Variants in CRADD observed in about 807,000 individuals in gnomAD.
CRADD encodes the protein death domain-containing protein CRADD.
A neutral mutation model predicts 15.5 loss-of-function variants in CRADD; 9 were observed. The ratio of observed to expected loss-of-function variants is 0.58; its 90% CI spans 0.35 to 1.01. The LOEUF is 1.01. CRADD is among the 50% of genes least tolerant of loss of function. The pLI is 0.02. For synonymous variants in CRADD, 118 were observed against 107.6 expected (o/e 1.10, Z -0.60); for missense variants, 227 against 250.3 (o/e 0.91, Z 0.63).
chr12:93,866,920 T>C (rs989602299), intron 2 of CRADD, among the ~76,000 whole-genome samples: 1 of 152,200 alleles, frequency 6.6e-6, no homozygotes, highest in Non-Finnish European at 1.5e-5. Context: ...AACTGTGCCA[T>C]GTATCCCACA....
chr12:93,750,783 T>C (rs983276949), intron 2 of CRADD, among the ~76,000 whole-genome samples: 2 of 152,258 alleles, frequency 1.3e-5, no homozygotes, highest in African/African-American at 4.8e-5. Flanking sequence ...TGAATGTACA[T>C]GTCATTATCC....
intron 2 of CRADD, chr12:93,836,297 G>A (rs1957972417): frequency 6.6e-6 from 1 of 152,192 alleles, no homozygotes; most frequent in African/African-American, 2.4e-5. Context: ...GCTTCAGGAA[G>A]GTAGGAATTG....
intron 2 of CRADD, among the ~76,000 whole-genome samples, chr12:93,806,226 G>T (rs1957535950): frequency 6.6e-6 from 1 of 151,832 alleles, no homozygotes; most frequent in South Asian, 2.1e-4. Context: ...GGCCGAGGTG[G>T]GCGGATCAAA....
intron 2 of CRADD, among the ~76,000 whole-genome samples, chr12:93,700,720 G>A (rs1005399542): frequency 2.0e-5 from 3 of 152,104 alleles, no homozygotes; most frequent in African/African-American, 4.8e-5. Flanking sequence ...GTGAGCCACC[G>A]CATCCGGTCC....
downstream of CRADD, among the ~76,000 whole-genome samples, chr12:93,852,015 T>C (rs191264397): frequency 8.7e-4 from 132 of 152,368 alleles, no homozygotes; most frequent in African/African-American, 3.1e-3. Flanking sequence ...GATAGTCTAC[T>C]GGCCTTATCA....
chr12:93,797,133 A>C (rs1447766040), intron 2 of CRADD, among the ~76,000 whole-genome samples: 1 of 152,204 alleles, frequency 6.6e-6, no homozygotes, highest in Non-Finnish European at 1.5e-5. Context: ...TTGCGGAAGA[A>C]AAGGAAACCC....
chr12:93,686,206 CAGG>C (rs1233299073), intron 2 of CRADD, among the ~76,000 whole-genome samples: 1 of 143,928 alleles, frequency 6.9e-6, no homozygotes, highest in East Asian at 2.1e-4. Flanking sequence ...GAGGCTGAGG[CAGG>C]AGAATTGCTT....
At position 93,694,191 on chromosome 12, in the gene CRADD, C is replaced by T. The variant is rs146322923; in HGVS notation, c.298+15119C>T. The stretch of plus-strand genomic sequence containing the variant: ...TACACAAATCAATAAATATGACATA[C>T]CACATTAACAGAATGAAGGACAAAA... On this transcript the variant is annotated intron_variant, in intron 2 of 2. Coordinates refer to ENST00000332896, the MANE Select transcript of CRADD (RefSeq NM_003805.5). Among the ~76,000 whole-genome samples, 160 of 152,138 alleles carry T rather than the reference C, an allele frequency of 1.1e-3. 1 individual carries two copies. The Middle Eastern group carries it at 0.014, about 13-fold the overall frequency.
Position 93,881,832 on chromosome 12 carries a change from T to G in CRADD, c.299-12218T>G, listed in dbSNP as rs116764992. Among the ~76,000 whole-genome samples the G allele has an allele frequency of 5.0e-3, 754 of 152,196 alleles. 4 individuals are homozygous for G. The highest frequency in any genetic ancestry group is 0.016 in the African/African-American group (663 of 41,516). ...TACCCTACACCAAAGATGTGAGTGA[T>G]TGAAATATATAGGCTGGGCGGGGTG... is the stretch of plus-strand genomic sequence containing the variant. On this transcript the variant is annotated intron_variant, in intron 2 of 2. Coordinates refer to the CRADD transcript ENST00000548483.
Position 93,850,126 on chromosome 12 carries a change from AC to A in CRADD, c.460del (p.His154ThrfsTer59). Reference sequence around the variant, plus strand: ...GATATCTACCGCTGTAAGGCCAACCACCCCCACAACGTGCAGTCGCAGGTGG... The same window carrying A: ...GATATCTACCGCTGTAAGGCCAACCACCCCACAACGTGCAGTCGCAGGTGG... ...QTDIYRCKANHPHNVQSQVVE... is the reference protein window; with the variant it reads ...QTDIYRCKANXPHNVQSQVVE... On this transcript the variant is annotated frameshift_variant, in exon 3 of 3. Coordinates refer to ENST00000332896, the MANE Select transcript of CRADD (RefSeq NM_003805.5). LOFTEE classifies it high-confidence loss of function. The surrounding 1 kb of genome is among the most constrained non-coding windows in gnomAD (Gnocchi z 4.0). The A allele has an allele frequency of 6.2e-7, 1 of 1,613,680 alleles. No homozygotes were observed. The highest frequency in any genetic ancestry group is 1.1e-5 in the South Asian group (1 of 91,048).
chr12:93,893,263 G>T (rs887053395), intron 2 of CRADD, among the ~76,000 whole-genome samples: 1 of 152,278 alleles, frequency 6.6e-6, no homozygotes, highest in Admixed American at 6.5e-5. Context: ...TAGGGCTGTG[G>T]TGGTTCCTTA....
At chr12:93,791,411 A>G (rs1957348084) in intron 2 of CRADD, among the ~76,000 whole-genome samples, 1 of 152,194 alleles carries the variant, frequency 6.6e-6, no homozygotes, top group Non-Finnish European at 1.5e-5. Flanking sequence ...CGTTAAGTTA[A>G]ATAAGCCAAT....
At chr12:93,802,910 G>A (rs887916986) in intron 2 of CRADD, among the ~76,000 whole-genome samples, 1 of 152,192 alleles carries the variant, frequency 6.6e-6, no homozygotes, top group African/African-American at 2.4e-5. Flanking sequence ...GCTCCCCTTA[G>A]TGTCAGCTTG....
intron 2 of CRADD, among the ~76,000 whole-genome samples, chr12:93,864,247 T>C (rs933928003): frequency 2.0e-5 from 3 of 152,158 alleles, no homozygotes; most frequent in African/African-American, 4.8e-5. Flanking sequence ...AGAGATGAGA[T>C]TTCACTATAC....
chr12:93,706,740 G>A (rs60885265), intron 2 of CRADD, among the ~76,000 whole-genome samples: 2,940 of 152,274 alleles, frequency 0.019, 74 homozygotes, highest in African/African-American at 0.066. Flanking sequence ...TTGCAATTGA[G>A]TGTTTTCTAT....
At chr12:93,756,981 T>C (rs1956897881) in intron 2 of CRADD, among the ~76,000 whole-genome samples, 2 of 152,212 alleles carry the variant, frequency 1.3e-5, no homozygotes, top group African/African-American at 4.8e-5. Flanking sequence ...TATTTGCCAG[T>C]CTATTTGTTC....
In CRADD at chr12:93,678,990, C is replaced by T; in HGVS notation, c.216C>T (p.Phe72=). The T allele has an allele frequency of 6.2e-7, 1 of 1,614,024 alleles. No individual in the cohort carries two copies. Among genetic ancestry groups the T allele is most frequent in the Non-Finnish European group, 8.5e-7 (1 of 1,179,880 alleles). ...GGGGCCCTAAAGCATTTGATACATT[C>T]CTAGATTCCCTACAGGAGTTTCCCT... ...PSRGPKAFDT[F]LDSLQEFPWV... is the part of the protein sequence containing the mutation. The change falls in exon 2 of 3, where the codon TTC becomes TTT. Residue 72 remains phenylalanine (F), a synonymous_variant. Transcript: ENST00000332896.
intron 2 of CRADD, among the ~76,000 whole-genome samples, chr12:93,793,712 G>A (rs568893250): frequency 1.6e-4 from 24 of 152,300 alleles, no homozygotes; most frequent in African/African-American, 5.1e-4. Flanking sequence ...GGGAATAGGT[G>A]GAAGAAGTGG....
intron 2 of CRADD, among the ~76,000 whole-genome samples, chr12:93,752,208 C>T (rs752889901): frequency 2.6e-5 from 4 of 152,158 alleles, no homozygotes; most frequent in Non-Finnish European, 5.9e-5. Context: ...TGACGGTTTC[C>T]AGGTAGCCTT....
Sources: gnomAD v4.1 joint callset for allele counts (sites outside exome capture counted in the v4.1 genomes callset) on GRCh38, gnomAD v4.1.1 for gene constraint, Gnocchi (gnomAD v3.1) non-coding constraint, MANE v1.5 for transcripts, NCBI Gene and HGNC (gene_info 2026-07-23, HGNC 2026-07-21) for gene names.